GLI2: variants seen among roughly 807,000 people sequenced by gnomAD.
GLI2 encodes GLI family zinc finger 2, also known as transcription activator GLI2.
GLI2 carries 22 observed loss-of-function variants against 78.9 expected under a neutral mutation model. That is an observed-to-expected ratio of 0.28 (90% CI 0.20 to 0.40). The LOEUF (loss-of-function observed/expected upper bound fraction) is 0.40. Ranked by LOEUF, GLI2 falls within the 10% of genes least tolerant of loss-of-function variation. The pLI is 1.00. For missense variants in GLI2, 2,097 were observed against 2,213.2 expected, an observed-to-expected ratio of 0.95 and a Z score of 1.05; for synonymous variants, 974 against 963.7, an observed-to-expected ratio of 1.01 and a Z score of -0.20.
chr2:120,869,742 A>G (rs1308372839), intron 2 of GLI2, among the ~76,000 whole-genome samples: 1 of 152,184 alleles, frequency 6.6e-6, no homozygotes, highest in Non-Finnish European at 1.5e-5. Context: ...AAATCTCTGT[A>G]TTTGTATTCT....
intron 9 of GLI2, among the ~76,000 whole-genome samples, chr2:120,975,512 CAAT>C (rs895617352): frequency 2.6e-5 from 4 of 152,022 alleles, no homozygotes; most frequent in Non-Finnish European, 5.9e-5. Context: ...AGTATCTACA[CAAT>C]AATAAGTGAA....
Position 120,737,461 on chromosome 2 carries a change from CTGTGG to C in GLI2, c.-31+1177_-31+1181del. ...CTACCTTCTCTTTTGTGTAATTGTT[CTGTGG>C]CTCCTAGAGTTGATCCCAGCTGGAA... On this transcript the variant is annotated intron_variant, in intron 1 of 13. Transcript: ENST00000361492. This position sits in a 1 kb window ranked among gnomAD's most constrained non-coding sequence, Gnocchi z 4.3. Among the ~76,000 whole-genome samples, 1 of 152,142 alleles carries C rather than the reference CTGTGG, an allele frequency of 6.6e-6. No homozygotes were observed. The highest frequency in any genetic ancestry group is 1.5e-5 in the Non-Finnish European group (1 of 68,026).
chr2:120,903,209 A>T (rs1376196599), intron 2 of GLI2, among the ~76,000 whole-genome samples: 1 of 152,082 alleles, frequency 6.6e-6, no homozygotes, highest in Non-Finnish European at 1.5e-5. Context: ...ACATGGTGAA[A>T]CACGATCTCT....
At chr2:120,952,573 C>T (rs1218168858) in intron 4 of GLI2, among the ~76,000 whole-genome samples, 3 of 152,242 alleles carry the variant, frequency 2.0e-5, no homozygotes, top group African/African-American at 7.2e-5. Context: ...CGGAGGTTTG[C>T]ACTTTGCCTG....
At chr2:120,905,518 G>C (rs1409474896) in intron 2 of GLI2, among the ~76,000 whole-genome samples, 1 of 152,188 alleles carries the variant, frequency 6.6e-6, no homozygotes, top group Non-Finnish European at 1.5e-5. Context: ...CTGTTAAGTG[G>C]CAATGTCAGG....
At chr2:120,939,531 C>T (rs1680355092) in intron 3 of GLI2, among the ~76,000 whole-genome samples, 1 of 152,160 alleles carries the variant, frequency 6.6e-6, no homozygotes, top group African/African-American at 2.4e-5. Context: ...ATTCGTTTTG[C>T]TTTGTCATGC....
intron 1 of GLI2, among the ~76,000 whole-genome samples, chr2:120,750,787 A>G (rs1331990191): frequency 6.6e-6 from 1 of 152,190 alleles, no homozygotes. Context: ...CAGAACTTGG[A>G]TACTTCTGTG....
At chr2:120,875,886 C>A (rs1041718531) in intron 2 of GLI2, among the ~76,000 whole-genome samples, 1 of 152,040 alleles carries the variant, frequency 6.6e-6, no homozygotes, top group African/African-American at 2.4e-5. Context: ...TGGGACAGAA[C>A]GGAGGGGCCA....
chr2:120,820,557 C>A (rs1685719771), intron 2 of GLI2, among the ~76,000 whole-genome samples: 1 of 152,210 alleles, frequency 6.6e-6, no homozygotes, highest in African/African-American at 2.4e-5. Context: ...CCCCAGCAAC[C>A]CCCAGGTAGG....
At chr2:120,833,374 A>G (rs1395633747) in intron 2 of GLI2, among the ~76,000 whole-genome samples, 3 of 152,060 alleles carry the variant, frequency 2.0e-5, no homozygotes, top group Non-Finnish European at 1.5e-5. Context: ...GAGGGTCTGC[A>G]ATGGGTCCAG....
intron 2 of GLI2, among the ~76,000 whole-genome samples, chr2:120,798,241 G>A (rs187336279): frequency 8.5e-5 from 13 of 152,238 alleles, no homozygotes; most frequent in East Asian, 1.9e-4. Context: ...AAGAGAATGC[G>A]CCTTTTCTTC....
chr2:120,747,378 A>G (rs1682725296), intron 1 of GLI2, among the ~76,000 whole-genome samples: 2 of 152,126 alleles, frequency 1.3e-5, no homozygotes, highest in South Asian at 2.1e-4. Context: ...GCGGATCTCC[A>G]TGTTCACCTG....
At position 120,990,102 on chromosome 2, in the gene GLI2, C is replaced by T; in HGVS notation, c.4137C>T (p.Ala1379=). 6.2e-7 allele frequency: 1 copy of T among 1,600,200 alleles called. No homozygotes were observed. Among genetic ancestry groups the T allele is most frequent in the Non-Finnish European group, 8.5e-7 (1 of 1,171,696 alleles). The part of the protein sequence containing the change: ...VRAVQQQLAY[A]RATGHAMAAM... ...CTGTGCAGCAGCAGCTGGCCTACGCCAGGGCCACAGGCCATGCCATGGCTG... is the reference window on the plus strand; with the variant it reads ...CTGTGCAGCAGCAGCTGGCCTACGCTAGGGCCACAGGCCATGCCATGGCTG... Residue 1379 remains alanine (A), a synonymous_variant, in exon 14 of 14, where the codon GCC becomes GCT. Coordinates refer to ENST00000361492, the MANE Select transcript of GLI2 (RefSeq NM_001374353.1).
At chr2:120,783,842 A>G (rs780742669) in intron 1 of GLI2, among the ~76,000 whole-genome samples, 4 of 152,182 alleles carry the variant, frequency 2.6e-5, no homozygotes, top group African/African-American at 7.2e-5. Context: ...TTGCATTTCA[A>G]TCGGTTGCTC....
intron 2 of GLI2, among the ~76,000 whole-genome samples, chr2:120,883,259 G>A (rs1326250031): frequency 2.6e-5 from 4 of 152,308 alleles, no homozygotes; most frequent in East Asian, 3.9e-4. Flanking sequence ...GTAAAGGTGA[G>A]CAGATCGCTT....
intron 2 of GLI2, among the ~76,000 whole-genome samples, chr2:120,830,332 T>A (rs1375453459): frequency 6.6e-6 from 1 of 152,220 alleles, no homozygotes; most frequent in Admixed American, 6.5e-5. Flanking sequence ...CCTAGCCCTG[T>A]GGGCATAGTG....
chr2:120,796,380 C>A (rs1347141290), intron 1 of GLI2, among the ~76,000 whole-genome samples: 1 of 152,232 alleles, frequency 6.6e-6, no homozygotes, highest in Non-Finnish European at 1.5e-5. Context: ...AGCCTGCTCT[C>A]CGCACACAGC....
In GLI2 at chr2:120,773,236, A is replaced by G. The variant is rs529677768; in HGVS notation, c.-30-24055A>G. On this transcript the variant is annotated intron_variant, in intron 1 of 13. Coordinates refer to ENST00000361492, the MANE Select transcript of GLI2 (RefSeq NM_001374353.1). ...CTCTGAATAAGTCTTTTGGGGGAAA[A>G]GGGGAGAAAGAGCCAGTCTTAGAGC... Among the ~76,000 whole-genome samples the G allele has an allele frequency of 2.6e-5, 4 of 152,206 alleles. No homozygotes were observed. In the South Asian group the frequency reaches 6.2e-4, roughly 24 times the overall value.
chr2:120,810,330 T>C (rs1391356240), intron 2 of GLI2, among the ~76,000 whole-genome samples: 1 of 152,174 alleles, frequency 6.6e-6, no homozygotes. Flanking sequence ...ACATCTGCAG[T>C]GGGCAAGCCC....
Sources: gnomAD v4.1 joint callset for allele counts (sites outside exome capture counted in the v4.1 genomes callset) on GRCh38, gnomAD v4.1.1 for gene constraint, Gnocchi (gnomAD v3.1) non-coding constraint, MANE v1.5 for transcripts, NCBI Gene and HGNC (gene_info 2026-07-23, HGNC 2026-07-21) for gene names.